CNTNAP2: variants seen among roughly 807,000 people sequenced by gnomAD.
CNTNAP2 encodes contactin-associated protein-like 2.
In CNTNAP2, 98 loss-of-function variants were observed where a neutral mutation model predicts 155.2. The observed-to-expected ratio is 0.63, with a 90% CI of 0.54 to 0.75. CNTNAP2 has a LOEUF of 0.75. Among genes scored for constraint, CNTNAP2 ranks in the 30% least tolerant of loss-of-function variants. The probability of loss-of-function intolerance (pLI) is 0.00; values close to 1 mark genes in which losing one functional copy is unlikely to be tolerated. For missense variants in CNTNAP2, 1,727 were observed against 1,688.1 expected (o/e 1.02, Z -0.40); for synonymous variants, 651 against 631.2 (o/e 1.03, Z -0.47).
At chr7:146,220,176 G>A (rs1219771322) in intron 1 of CNTNAP2, among the ~76,000 whole-genome samples, 1 of 152,020 alleles carries the variant, frequency 6.6e-6, no homozygotes, top group Non-Finnish European at 1.5e-5. Flanking sequence ...TGACAAATTT[G>A]TCAGGACAAA....
chr7:146,791,000 C>T (rs1802663646), intron 2 of CNTNAP2, among the ~76,000 whole-genome samples: 2 of 151,776 alleles, frequency 1.3e-5, no homozygotes, highest in African/African-American at 4.8e-5. Flanking sequence ...ATACATGTGC[C>T]ACGGTGGTTT....
At chr7:146,574,702 AAAAC>A (rs1179844646) in intron 1 of CNTNAP2, among the ~76,000 whole-genome samples, 3 of 152,184 alleles carry the variant, frequency 2.0e-5, no homozygotes, top group Non-Finnish European at 4.4e-5. Flanking sequence ...TCCATCTCAA[AAAAC>A]AAACAAACAA....
chr7:146,117,706 TTG>T (rs986558014), intron 1 of CNTNAP2, among the ~76,000 whole-genome samples: 1 of 151,502 alleles, frequency 6.6e-6, no homozygotes, highest in Non-Finnish European at 1.5e-5. Flanking sequence ...GTGTGTGTGT[TTG>T]TGTGTGTGTG....
chr7:147,121,170 G>A lies in CNTNAP2; in HGVS notation c.939+7G>A. On this transcript the variant is annotated splice_region_variant and intron_variant, in intron 6 of 23. Transcript: ENST00000361727. ...CCTGGACTTGGACTATGAGGTACAT[G>A]TGATGACGTAGAAATTGTAATAAAA... 1 of 1,613,732 alleles carries A rather than the reference G, an allele frequency of 6.2e-7. No homozygotes were observed. Among genetic ancestry groups the A allele is most frequent in the Non-Finnish European group, 8.5e-7 (1 of 1,179,658 alleles).
intron 10 of CNTNAP2, among the ~76,000 whole-genome samples, chr7:147,447,344 G>A (rs1797757572): frequency 6.6e-6 from 1 of 152,130 alleles, no homozygotes; most frequent in African/African-American, 2.4e-5. Context: ...ACTTAGAAAA[G>A]AAGATAGAAA....
chr7:146,917,310 A>G (rs1796414077), intron 3 of CNTNAP2, among the ~76,000 whole-genome samples: 2 of 152,132 alleles, frequency 1.3e-5, no homozygotes. Context: ...TGTTCTGTAA[A>G]TATCTGTTAA....
intron 13 of CNTNAP2, among the ~76,000 whole-genome samples, chr7:147,681,290 T>C (rs1795945070): frequency 6.6e-6 from 1 of 152,010 alleles, no homozygotes; most frequent in African/African-American, 2.4e-5. Context: ...CGTCCTAGTA[T>C]GACAAAATGG....
intron 3 of CNTNAP2, among the ~76,000 whole-genome samples, chr7:146,898,738 C>T (rs1440153334): frequency 2.0e-5 from 3 of 151,852 alleles, no homozygotes; most frequent in South Asian, 2.1e-4. Context: ...TGGTTTCTTC[C>T]GATACTCAAT....
At chr7:146,548,737 A>G (rs1052609311) in intron 1 of CNTNAP2, among the ~76,000 whole-genome samples, 4 of 144,934 alleles carry the variant, frequency 2.8e-5, no homozygotes, top group East Asian at 2.0e-4. Context: ...AGTTTCTTAT[A>G]TATTTTGGAA....
intron 1 of CNTNAP2, among the ~76,000 whole-genome samples, chr7:146,212,997 C>T (rs1159012561): frequency 6.6e-6 from 1 of 152,318 alleles, no homozygotes; most frequent in Admixed American, 6.5e-5. Flanking sequence ...CTAAAGTGCT[C>T]TCAACAGTGT....
chr7:147,944,441 G>A (rs1182423180), intron 14 of CNTNAP2, among the ~76,000 whole-genome samples: 1 of 152,160 alleles, frequency 6.6e-6, no homozygotes, highest in East Asian at 1.9e-4. Flanking sequence ...GCACACAAAG[G>A]AGGCAGCATT....
chr7:146,181,701 CT>C (rs1798551894), intron 1 of CNTNAP2, among the ~76,000 whole-genome samples: 1 of 152,128 alleles, frequency 6.6e-6, no homozygotes, highest in Non-Finnish European at 1.5e-5. Context: ...CAACACAAGC[CT>C]GGCCTTGTTT....
At chr7:147,676,746 C>T (rs1015090353) in intron 13 of CNTNAP2, among the ~76,000 whole-genome samples, 2 of 151,870 alleles carry the variant, frequency 1.3e-5, no homozygotes, top group Non-Finnish European at 2.9e-5. Flanking sequence ...TTTATGAGGG[C>T]AATCATGCAA....
intron 12 of CNTNAP2, among the ~76,000 whole-genome samples, chr7:147,606,295 T>C (rs1801062408): frequency 6.6e-6 from 1 of 152,174 alleles, no homozygotes; most frequent in South Asian, 2.1e-4. Context: ...AAAAAGCAAA[T>C]GACAAACAAG....
intron 1 of CNTNAP2, among the ~76,000 whole-genome samples, chr7:146,571,358 A>G (rs1798437265): frequency 6.6e-6 from 1 of 152,138 alleles, no homozygotes; most frequent in Admixed American, 6.6e-5. Context: ...ATTATCTAGT[A>G]TAATGCTATG....
intron 9 of CNTNAP2, among the ~76,000 whole-genome samples, chr7:147,383,056 C>T (rs1796563591): frequency 3.3e-5 from 5 of 149,672 alleles, no homozygotes; most frequent in Admixed American, 3.3e-4. Context: ...TAAATATAAA[C>T]AGGATTGAAA....
intron 15 of CNTNAP2, among the ~76,000 whole-genome samples, chr7:148,058,748 C>T (rs1803071208): frequency 6.6e-6 from 1 of 152,112 alleles, no homozygotes; most frequent in South Asian, 2.1e-4. Flanking sequence ...AGTACATGAC[C>T]TCACCCAAAT....
intron 4 of CNTNAP2, among the ~76,000 whole-genome samples, chr7:147,068,648 C>A (rs1027494530): frequency 2.0e-5 from 3 of 152,160 alleles, no homozygotes. Context: ...TGAGCCACTG[C>A]GCTTGGCCAC....
chr7:146,272,159 A>C (rs1235994090), intron 1 of CNTNAP2, among the ~76,000 whole-genome samples: 1 of 152,160 alleles, frequency 6.6e-6, no homozygotes, highest in East Asian at 1.9e-4. Context: ...GATCCTCACA[A>C]TCATTGTGGA....
Sources: allele counts gnomAD v4.1 joint callset (sites outside exome capture counted in the v4.1 genomes callset), GRCh38; gene constraint gnomAD v4.1.1; transcripts MANE v1.5; gene names NCBI Gene and HGNC (gene_info 2026-07-23, HGNC 2026-07-21).